MICAL2: variants seen among roughly 807,000 people sequenced by gnomAD.
MICAL2 encodes [F-actin]-monooxygenase MICAL2.
Under a neutral mutation model 127.3 loss-of-function variants are expected in MICAL2, and 77 were observed. That is an observed-to-expected ratio of 0.60 (90% CI 0.50 to 0.73). The LOEUF is 0.73. Ranked by LOEUF, MICAL2 falls within the 30% of genes least tolerant of loss-of-function variation. The pLI is 0.00. For missense variants in MICAL2, 1,351 were observed against 1,434.4 expected (o/e 0.94, Z 0.94); for synonymous variants, 570 against 551.1 (o/e 1.03, Z -0.48).
chr11:12,269,113 C>A (rs1239974738), intron 24 of MICAL2, among the ~76,000 whole-genome samples: 1 of 152,212 alleles, frequency 6.6e-6, no homozygotes, highest in Non-Finnish European at 1.5e-5. Flanking sequence ...GGCTGTGACT[C>A]CCTTGGGGAC....
At chr11:12,328,788 T>C (rs951023496) in intron 32 of MICAL2, among the ~76,000 whole-genome samples, 1 of 152,220 alleles carries the variant, frequency 6.6e-6, no homozygotes, top group African/African-American at 2.4e-5. Context: ...TTCAATTCTT[T>C]AAGAGTCCAG....
chr11:12,141,020 C>A (rs1415332038), intron 2 of MICAL2, among the ~76,000 whole-genome samples: 1 of 152,178 alleles, frequency 6.6e-6, no homozygotes, highest in Admixed American at 6.5e-5. Context: ...GCTGGAGAAA[C>A]AACAAGAAAA....
At chr11:12,156,849 G>A (rs527368652) in intron 2 of MICAL2, among the ~76,000 whole-genome samples, 1 of 152,358 alleles carries the variant, frequency 6.6e-6, no homozygotes, top group East Asian at 1.9e-4. Flanking sequence ...GCGAGAGTTA[G>A]AGCTGGAGCT....
rs754758130 is a variant in MICAL2 at position 12,216,320 on chromosome 11, G to T, written c.948+1G>T. 2 of 1,612,246 alleles carry T rather than the reference G, an allele frequency of 1.2e-6. No individual in the cohort carries two copies. The highest frequency in any genetic ancestry group is 2.2e-5 in the South Asian group (2 of 91,056). ...GCTCGACAAAGGTGTCATCATTAAC[G>T]TACGTACCTCTTGGCTGCGATTTCC... is the stretch of plus-strand genomic sequence containing the variant. On this transcript the variant is annotated splice_donor_variant, in intron 8 of 27. Transcript: ENST00000683283. LOFTEE classifies it high-confidence loss of function.
intron 2 of MICAL2, among the ~76,000 whole-genome samples, chr11:12,145,027 C>T (rs1465481593): frequency 6.6e-6 from 1 of 152,208 alleles, no homozygotes; most frequent in Non-Finnish European, 1.5e-5. Context: ...GAGAGCTCTT[C>T]TCAGCCCACA....
chr11:12,328,883 T>C (rs1176280153), intron 32 of MICAL2, among the ~76,000 whole-genome samples: 1 of 152,146 alleles, frequency 6.6e-6, no homozygotes, highest in Admixed American at 6.5e-5. Flanking sequence ...TGTAAAATTG[T>C]GAGGGCTGCT....
downstream of MICAL2, among the ~76,000 whole-genome samples, chr11:12,268,649 G>A (rs1863633994): frequency 6.6e-6 from 1 of 152,212 alleles, no homozygotes; most frequent in South Asian, 2.1e-4. Flanking sequence ...GAGGCTGCCT[G>A]CCCGGCAGCA....
chr11:12,349,547 C>T (rs1332245469), intron 32 of MICAL2, among the ~76,000 whole-genome samples: 1 of 152,078 alleles, frequency 6.6e-6, no homozygotes, highest in African/African-American at 2.4e-5. Context: ...TACGAGTAGG[C>T]AGGGGGAGGG....
chr11:12,224,650 T>A (rs946461848), intron 12 of MICAL2, 23 bp from the exon 13 acceptor site: 37 of 1,608,548 alleles, frequency 2.3e-5, no homozygotes, highest in Non-Finnish European at 3.1e-5. Flanking sequence ...AGAGCCTCAC[T>A]GCCTGCGCTC....
At chr11:12,223,178 TAC>T (rs992478165) in intron 11 of MICAL2, among the ~76,000 whole-genome samples, 2 of 152,172 alleles carry the variant, frequency 1.3e-5, no homozygotes, top group Admixed American at 6.5e-5. Context: ...GCTAATTACA[TAC>T]ACACAAATTA....
chr11:12,239,593 A>G lies in MICAL2; in HGVS notation c.2214+8A>G. 2 of 1,613,650 alleles carry G rather than the reference A, an allele frequency of 1.2e-6. No homozygotes were observed. Among genetic ancestry groups the G allele is most frequent in the Non-Finnish European group, 1.7e-6 (2 of 1,179,814 alleles). On this transcript the variant is annotated splice_region_variant and intron_variant, in intron 17 of 27. Transcript: ENST00000683283. Reference sequence around the variant, plus strand: ...CCCTCACTCATGAAGCAGGTGAGTCATGTCAAATACTCACTGGACCTAACT... The same window carrying G: ...CCCTCACTCATGAAGCAGGTGAGTCGTGTCAAATACTCACTGGACCTAACT...
chr11:12,163,885 T>A (rs1487201145), intron 3 of MICAL2: 1 of 152,150 alleles, frequency 6.6e-6, no homozygotes, highest in Non-Finnish European at 1.5e-5. Context: ...TTCTTTTTTT[T>A]AAAGGTCCCA....
chr11:12,291,593 C>T (rs991363902), downstream of MICAL2, among the ~76,000 whole-genome samples: 9 of 152,208 alleles, frequency 5.9e-5, no homozygotes, highest in African/African-American at 1.9e-4. Flanking sequence ...ATTTGATACT[C>T]ACTGTAACCT....
At chr11:12,128,601 G>A (rs1393982668) in intron 1 of MICAL2, among the ~76,000 whole-genome samples, 1 of 152,242 alleles carries the variant, frequency 6.6e-6, no homozygotes, top group East Asian at 1.9e-4. Flanking sequence ...GACAGATCGG[G>A]GCAGTGTGAA....
At chr11:12,212,001 G>A (rs1855525927) in intron 6 of MICAL2, among the ~76,000 whole-genome samples, 1 of 152,096 alleles carries the variant, frequency 6.6e-6, no homozygotes, top group Non-Finnish European at 1.5e-5. Flanking sequence ...CTCAGGGCCT[G>A]GATCCCCCTG....
rs774375661 is a variant in MICAL2, at chr11:12,256,826, C to T, written c.2997C>T (p.Ser999=). Residue 999 remains serine (S), a synonymous_variant, in exon 24 of 28, where the codon AGC becomes AGT. Coordinates refer to ENST00000683283, the MANE Select transcript of MICAL2 (RefSeq NM_001282663.2). ...RKSFPLNLGG[S]DTCYFCKKRV... is the part of the protein sequence containing the mutation. Reference sequence around the variant, plus strand: ...CATTTCCCCTTAACCTGGGAGGCAGCGACACGTGTTACTTCTGTAAGAAAC... The same window carrying T: ...CATTTCCCCTTAACCTGGGAGGCAGTGACACGTGTTACTTCTGTAAGAAAC... The T allele has an allele frequency of 1.4e-5, 22 of 1,613,558 alleles. No individual in the cohort carries two copies. The African/African-American group carries it at 2.0e-4, about 15-fold the overall frequency.
intron 1 of MICAL2, among the ~76,000 whole-genome samples, chr11:12,117,863 G>C (rs1850168338): frequency 6.6e-6 from 1 of 152,200 alleles, no homozygotes; most frequent in South Asian, 2.1e-4. Flanking sequence ...AAACAGAATA[G>C]AGAAACACAC....
At chr11:12,285,683 G>A (rs1489765732) in intron 2 of MICAL2, among the ~76,000 whole-genome samples, 2 of 152,220 alleles carry the variant, frequency 1.3e-5, no homozygotes, top group Non-Finnish European at 2.9e-5. Context: ...CTTGAGGAAG[G>A]AAAGCCCCCA....
chr11:12,224,886 A>C, intron 13 of MICAL2, 66 bp downstream of exon 13: 1 of 1,529,408 alleles, frequency 6.5e-7, no homozygotes, highest in Non-Finnish European at 8.9e-7. Flanking sequence ...CTGCATGCAG[A>C]ATCTTCATTA....
Sources: allele counts gnomAD v4.1 joint callset (sites outside exome capture counted in the v4.1 genomes callset), GRCh38; gene constraint gnomAD v4.1.1; transcripts MANE v1.5; gene names NCBI Gene and HGNC (gene_info 2026-07-23, HGNC 2026-07-21).